FAM200C: variants seen among roughly 807,000 people sequenced by gnomAD.
At chr5:160,396,257 T>C in the FAM200C span, among the ~76,000 whole-genome samples, 1 of 152,190 alleles carries the variant, frequency 6.6e-6, no homozygotes, top group Admixed American at 6.5e-5. Flanking sequence ...TAGTTCTTTT[T>C]AATAGTTAAA....
chr5:160,394,930 C>T, the FAM200C span: 1 of 1,613,214 alleles, frequency 6.2e-7, no homozygotes, highest in East Asian at 2.2e-5. Context: ...ATGCCATTAG[C>T]TGACTGCAGT....
the FAM200C span, among the ~76,000 whole-genome samples, chr5:160,398,451 C>T: frequency 5.6e-4 from 85 of 152,106 alleles, no homozygotes; most frequent in Non-Finnish European, 1.0e-3. Flanking sequence ...GCAGGAGAAT[C>T]GCTTGATCTG....
chr5:160,395,542 T>C, the FAM200C span: 6 of 1,497,768 alleles, frequency 4.0e-6, no homozygotes, highest in Non-Finnish European at 5.6e-6. Flanking sequence ...GAATTTTGCT[T>C]TGGGAGTAAA....
the FAM200C span, chr5:160,393,968 A>T: frequency 6.2e-7 from 1 of 1,613,980 alleles, no homozygotes; most frequent in Non-Finnish European, 8.5e-7. Flanking sequence ...CATTGTCTCA[A>T]ATTCCATTAG....
the FAM200C span, among the ~76,000 whole-genome samples, chr5:160,396,014 C>T: frequency 6.6e-6 from 1 of 152,116 alleles, no homozygotes; most frequent in South Asian, 2.1e-4. Flanking sequence ...TAATTGTATA[C>T]ATTTATGGGG....
the FAM200C span, chr5:160,399,547 C>G: frequency 1.3e-5 from 2 of 152,262 alleles, no homozygotes; most frequent in Non-Finnish European, 1.5e-5. Flanking sequence ...GGCAGACGCT[C>G]CAGGGGCAAA....
chr5:160,399,453 G>A, the FAM200C span, among the ~76,000 whole-genome samples: 1 of 152,220 alleles, frequency 6.6e-6, no homozygotes, highest in Non-Finnish European at 1.5e-5. Flanking sequence ...AGGCGCAGGT[G>A]TCTGGGGAGG....
At chr5:160,395,482 C>A in the FAM200C span, 2 of 1,613,540 alleles carry the variant, frequency 1.2e-6, no homozygotes, top group Non-Finnish European at 1.7e-6. Flanking sequence ...ATTTGCGTTT[C>A]TTCGACATGG....
Sources: allele counts gnomAD v4.1 joint callset (sites outside exome capture counted in the v4.1 genomes callset), GRCh38; gene constraint gnomAD v4.1.1; transcripts MANE v1.5.